SLC20A2: variants seen among roughly 807,000 people sequenced by gnomAD.
The protein encoded by SLC20A2 is sodium-dependent phosphate transporter 2.
In SLC20A2, 30 loss-of-function variants were observed where a neutral mutation model predicts 61.0. The ratio of observed to expected loss-of-function variants is 0.49; its 90% confidence interval spans 0.37 to 0.67. The LOEUF (loss-of-function observed/expected upper bound fraction) is 0.67. SLC20A2 is among the 30% of genes least tolerant of loss of function. SLC20A2 has a pLI of 0.00. For missense variants in SLC20A2, 626 were observed against 866.4 expected, an observed-to-expected ratio of 0.72 and a Z score of 3.48; for synonymous variants, 351 against 353.3, an observed-to-expected ratio of 0.99 and a Z score of 0.07.
chr8:42,419,766 CT>C (rs1178393412), intron 10 of SLC20A2: 5 of 703,304 alleles, frequency 7.1e-6, no homozygotes, highest in African/African-American at 1.9e-5. Context: ...GTAAGTTGCT[CT>C]TTTTTTGGCT....
In SLC20A2 at chr8:42,472,050, G is replaced by T. The variant is rs1807678759; in HGVS notation, c.289+52C>A. 6.5e-7 allele frequency: 1 copy of T among 1,538,094 alleles called. No individual in the cohort carries two copies. Among genetic ancestry groups the T allele is most frequent in the African/African-American group, 1.4e-5 (1 of 73,236 alleles). On this transcript the variant is annotated intron_variant, in intron 2 of 10. Transcript: ENST00000520262. This position sits in a 1 kb window ranked among gnomAD's most constrained non-coding sequence, Gnocchi z 4.1. ...ATGGATATGGGCAAAGTACTGCAGG[G>T]AAGCGGGTCAGTGGGCGGATGTCCC... is the stretch of plus-strand genomic sequence containing the variant.
chr8:42,480,784 C>G (rs1399218473), intron 1 of SLC20A2, among the ~76,000 whole-genome samples: 1 of 152,168 alleles, frequency 6.6e-6, no homozygotes, highest in African/African-American at 2.4e-5. Flanking sequence ...CTCAGCCTCT[C>G]CAGTAGCTCA....
At chr8:42,482,105 GAA>G (rs1325946956) in intron 1 of SLC20A2, among the ~76,000 whole-genome samples, 2 of 152,294 alleles carry the variant, frequency 1.3e-5, no homozygotes, top group Admixed American at 1.3e-4. Context: ...TTGGCCCGAA[GAA>G]AAGATTTCGA....
At chr8:42,519,246 C>T (rs1408180910) in intron 1 of SLC20A2, among the ~76,000 whole-genome samples, 1 of 149,430 alleles carries the variant, frequency 6.7e-6, no homozygotes, top group African/African-American at 2.5e-5. Flanking sequence ...GGGATTGAGA[C>T]CATCCTGGCC....
At chr8:42,540,653 A>C (rs1360309314) in intron 1 of SLC20A2, among the ~76,000 whole-genome samples, 1 of 152,244 alleles carries the variant, frequency 6.6e-6, no homozygotes, top group African/African-American at 2.4e-5. Flanking sequence ...GAAGTGTTCA[A>C]TGTAAGCTCT....
intron 1 of SLC20A2, among the ~76,000 whole-genome samples, chr8:42,519,797 A>C (rs1472779580): frequency 5.3e-5 from 8 of 152,132 alleles, no homozygotes; most frequent in African/African-American, 1.9e-4. Flanking sequence ...CATAGTTAGA[A>C]GCCCCTCACA....
intron 1 of SLC20A2, among the ~76,000 whole-genome samples, chr8:42,519,839 T>C (rs1008594311): frequency 3.9e-5 from 6 of 152,126 alleles, no homozygotes; most frequent in Non-Finnish European, 8.8e-5. Context: ...CTCACTCTGA[T>C]AATTTATCAT....
chr8:42,451,689 GGGA>G (rs1805677228), intron 5 of SLC20A2, among the ~76,000 whole-genome samples: 1 of 101,400 alleles, frequency 9.9e-6, no homozygotes, highest in Non-Finnish European at 1.9e-5. Flanking sequence ...GAAGAGGAGG[GGGA>G]GGAAGAGATG....
intron 1 of SLC20A2, among the ~76,000 whole-genome samples, chr8:42,481,922 T>G (rs1313280560): frequency 1.3e-5 from 2 of 152,312 alleles, no homozygotes; most frequent in East Asian, 1.9e-4. Context: ...GGGAAGTTTC[T>G]TCCCAGCCGT....
intron 5 of SLC20A2, among the ~76,000 whole-genome samples, chr8:42,445,901 C>T (rs1805177472): frequency 6.6e-6 from 1 of 152,222 alleles, no homozygotes; most frequent in South Asian, 2.1e-4. Flanking sequence ...TTTAAACGGA[C>T]ATGTGCCCTA....
chr8:42,474,759 A>G (rs1352931833), intron 1 of SLC20A2, among the ~76,000 whole-genome samples: 1 of 152,244 alleles, frequency 6.6e-6, no homozygotes, highest in Admixed American at 6.5e-5. Flanking sequence ...AAGGAAACAG[A>G]CACTAATCAT....
chr8:42,517,993 C>T (rs924463691), intron 1 of SLC20A2, among the ~76,000 whole-genome samples: 3 of 152,236 alleles, frequency 2.0e-5, no homozygotes, highest in East Asian at 3.9e-4. Context: ...CAGGCTGGAG[C>T]GCAGTGGTGC....
chr8:42,540,321 C>T (rs763898384), intron 1 of SLC20A2, among the ~76,000 whole-genome samples: 14 of 152,254 alleles, frequency 9.2e-5, no homozygotes, highest in Non-Finnish European at 1.9e-4. Context: ...ATAATGTACA[C>T]GTTTCACATT....
rs146490248 is a variant in SLC20A2, at chr8:42,424,514, T to A, written c.1794+4244A>T. 4.9e-4 allele frequency among the ~76,000 whole-genome samples: 75 copies of A among 152,278 alleles called. 1 individual carries two copies. In the East Asian group the frequency reaches 0.014, roughly 28 times the overall value. ...CTTTTGACCCTACTCAAAGGTATTA[T>A]TCCAGGAAAATATCTGATAAACTGA... On this transcript the variant is annotated intron_variant, in intron 10 of 10. Coordinates refer to ENST00000520262, the MANE Select transcript of SLC20A2 (RefSeq NM_001257180.2).
chr8:42,484,745 C>T (rs1232007736), intron 1 of SLC20A2: 1 of 353,340 alleles, frequency 2.8e-6, no homozygotes, highest in African/African-American at 2.1e-5. Context: ...TCCAAGAGAG[C>T]CTGACTTGGG....
chr8:42,423,207 C>A (rs1803159751), intron 10 of SLC20A2, among the ~76,000 whole-genome samples: 1 of 152,106 alleles, frequency 6.6e-6, no homozygotes, highest in East Asian at 1.9e-4. Context: ...CTCCTTAATT[C>A]AATTGTTACC....
At chr8:42,514,645 C>A (rs143097995) in intron 1 of SLC20A2, among the ~76,000 whole-genome samples, 2,460 of 151,772 alleles carry the variant, frequency 0.016, 83 homozygotes, top group African/African-American at 0.056. Flanking sequence ...GTAATCCCAG[C>A]TACTTGGGAG....
chr8:42,481,662 C>A (rs900997440), intron 1 of SLC20A2, among the ~76,000 whole-genome samples: 5 of 152,118 alleles, frequency 3.3e-5, no homozygotes, highest in Non-Finnish European at 5.9e-5. Flanking sequence ...AGGAAGAGGC[C>A]GTTTAGCCTG....
chr8:42,489,285 C>T (rs1209645836), intron 1 of SLC20A2, among the ~76,000 whole-genome samples: 1 of 152,052 alleles, frequency 6.6e-6, no homozygotes, highest in Non-Finnish European at 1.5e-5. Context: ...TGAATATTCT[C>T]TGTTTGATGA....
Sources: gnomAD v4.1 joint callset for allele counts (sites outside exome capture counted in the v4.1 genomes callset) on GRCh38, gnomAD v4.1.1 for gene constraint, Gnocchi (gnomAD v3.1) non-coding constraint, MANE v1.5 for transcripts, NCBI Gene and HGNC (gene_info 2026-07-23, HGNC 2026-07-21) for gene names.